The following SGMS2 variants were observed in gnomAD, a reference collection of about 807,000 sequenced individuals.
The protein encoded by SGMS2 is phosphatidylcholine:ceramide cholinephosphotransferase 2.
SGMS2 carries 21 observed loss-of-function variants against 43.8 expected under a neutral mutation model. The ratio of observed to expected loss-of-function variants is 0.48; its 90% CI spans 0.34 to 0.69. SGMS2 has a LOEUF of 0.69. Ranked by LOEUF, SGMS2 falls within the 30% of genes least tolerant of loss-of-function variation. SGMS2 has a pLI of 0.01. For synonymous variants in SGMS2, 167 were observed against 160.6 expected (o/e 1.04, Z -0.30); for missense variants, 384 against 443.2 (o/e 0.87, Z 1.20).
At chr4:107,826,772 G>T (rs1268390837) in intron 1 of SGMS2, among the ~76,000 whole-genome samples, 1 of 152,138 alleles carries the variant, frequency 6.6e-6, no homozygotes, top group Non-Finnish European at 1.5e-5. Flanking sequence ...GCTGCACCTT[G>T]TTCTGAGTTT....
intron 2 of SGMS2, among the ~76,000 whole-genome samples, chr4:107,872,053 C>T (rs1298269645): frequency 1.3e-5 from 2 of 151,940 alleles, no homozygotes; most frequent in Admixed American, 1.3e-4. Context: ...AACTCAAAGG[C>T]AAAAATCCAT....
At chr4:107,887,147 C>G (rs2126098716) in intron 2 of SGMS2, among the ~76,000 whole-genome samples, 1 of 152,278 alleles carries the variant, frequency 6.6e-6, no homozygotes, top group Non-Finnish European at 1.5e-5. Flanking sequence ...ATGAACATTT[C>G]AGCTCTCCAT....
At chr4:107,867,238 G>C (rs1341771016) in intron 2 of SGMS2, 2 of 152,160 alleles carry the variant, frequency 1.3e-5, no homozygotes, top group African/African-American at 4.8e-5. Flanking sequence ...ATATGGTCTA[G>C]TTCTTTTCTG....
chr4:107,840,484 C>A (rs1726437783), intron 1 of SGMS2, among the ~76,000 whole-genome samples: 1 of 152,164 alleles, frequency 6.6e-6, no homozygotes, highest in Non-Finnish European at 1.5e-5. Flanking sequence ...ATAGCCTCAT[C>A]TCTCTATTAG....
At chr4:107,858,967 G>A (rs1727577445) in intron 2 of SGMS2, among the ~76,000 whole-genome samples, 1 of 152,172 alleles carries the variant, frequency 6.6e-6, no homozygotes, top group Non-Finnish European at 1.5e-5. Context: ...TTCAGCAACA[G>A]TACGGAAATT....
In SGMS2 at chr4:107,903,285, G is replaced by T. The variant is rs369557577; in HGVS notation, c.626G>T (p.Gly209Val). Reference protein sequence around the residue: ...KVQRILRLISGGGLSITGSHI... With the variant: ...KVQRILRLISVGGLSITGSHI... The stretch of plus-strand genomic sequence containing the variant: ...CAACGGATTCTACGATTGATTTCTG[G>T]TGGTGGATTGTCCATAACTGGATCA... The change falls in exon 5 of 7, where the codon GGT (glycine) becomes GTT (valine). Residue 209 changes from glycine (G) to valine (V), a missense_variant. Physicochemically the swap from Gly to Val is moderately radical, Grantham distance 109. Transcript: ENST00000690982. 6.2e-7 allele frequency: 1 copy of T among 1,614,036 alleles called. No individual in the cohort carries two copies. Among genetic ancestry groups the T allele is most frequent in the Non-Finnish European group, 8.5e-7 (1 of 1,179,956 alleles).
At chr4:107,842,390 C>T (rs1238795327) in intron 1 of SGMS2, among the ~76,000 whole-genome samples, 2 of 152,108 alleles carry the variant, frequency 1.3e-5, no homozygotes, top group Non-Finnish European at 2.9e-5. Flanking sequence ...AGCGAGGTGC[C>T]ACACACTTTT....
At chr4:107,838,435 CTT>C (rs1726317923) in intron 1 of SGMS2, among the ~76,000 whole-genome samples, 1 of 152,056 alleles carries the variant, frequency 6.6e-6, no homozygotes, top group African/African-American at 2.4e-5. Context: ...TCTTCTTCTT[CTT>C]CTTCTTCTTT....
chr4:107,895,561 T>C lies in SGMS2; in HGVS notation c.8T>C (p.Ile3Thr). Residue 3 changes from isoleucine to threonine, a missense_variant, in exon 3 of 7, where the codon ATC becomes ACC. Coordinates refer to ENST00000690982, the MANE Select transcript of SGMS2 (RefSeq NM_001375905.1). MD[I>T]IETAKLEEHL... is the part of the protein sequence containing the mutation. Reference sequence around the variant, plus strand: ...TCTGAAGACTAGGGGACAATGGATATCATAGAGACAGCAAAACTTGAAGAA... The same window carrying C: ...TCTGAAGACTAGGGGACAATGGATACCATAGAGACAGCAAAACTTGAAGAA... The C allele has an allele frequency of 6.2e-7, 1 of 1,613,096 alleles. No homozygotes were observed. The highest frequency in any genetic ancestry group is 8.5e-7 in the Non-Finnish European group (1 of 1,179,482).
rs749227710 is a variant in SGMS2 at position 107,903,334 on chromosome 4, C to T, written c.675C>T (p.Leu225=). The T allele has an allele frequency of 6.2e-7, 1 of 1,614,022 alleles. No individual in the cohort carries two copies. Among genetic ancestry groups the T allele is most frequent in the South Asian group, 1.1e-5 (1 of 91,084 alleles). Residue 225 remains leucine, a synonymous_variant, in exon 5 of 7, where the codon CTC becomes CTT. Coordinates refer to ENST00000690982, the MANE Select transcript of SGMS2 (RefSeq NM_001375905.1). ...TGSHILCGDF[L]FSGHTVTLTL... ...CACATATCTTATGTGGAGACTTCCT[C>T]TTCAGCGGTCACACGGTTACGCTGA...
At chr4:107,902,565 GC>G (rs1400526097) in intron 4 of SGMS2, among the ~76,000 whole-genome samples, 1 of 152,110 alleles carries the variant, frequency 6.6e-6, no homozygotes, top group African/African-American at 2.4e-5. Context: ...CAGTGGCTTT[GC>G]AGGGCTGCTG....
chr4:107,895,485 A>G lies in SGMS2; in HGVS notation c.-69A>G. ...GTTGATCTTGGAAATAGAAGGATTG[A>G]AAAAAGCTAAATTTCCACAAAGAAC... On this transcript the variant is annotated 5_prime_UTR_variant, in exon 3 of 7. Coordinates refer to ENST00000690982, the MANE Select transcript of SGMS2 (RefSeq NM_001375905.1). 2 of 1,488,910 alleles carry G rather than the reference A, an allele frequency of 1.3e-6. No homozygotes were observed. Among genetic ancestry groups the G allele is most frequent in the Non-Finnish European group, 1.8e-6 (2 of 1,105,120 alleles). 92.2% of individuals were successfully genotyped at this position (1,488,910 alleles called of 1,614,324 possible).
rs781078715 is a variant in SGMS2 at position 107,903,235 on chromosome 4, C to A, written c.576C>A (p.Leu192=). Residue 192 remains leucine (L), a splice_region_variant and synonymous_variant, in exon 5 of 7, where the codon CTC becomes CTA. Coordinates refer to ENST00000690982, the MANE Select transcript of SGMS2 (RefSeq NM_001375905.1). The part of the protein sequence containing the change: ...PGMHFQCAPK[L]NGDSQAKVQR... ...CTTAATCTTCTTGTGTCATTCAGCT[C>A]AATGGAGACTCTCAGGCAAAAGTTC... 2 of 1,613,860 alleles carry A rather than the reference C, an allele frequency of 1.2e-6. No homozygotes were observed. Among genetic ancestry groups the A allele is most frequent in the Admixed American group, 3.3e-5 (2 of 60,010 alleles).
intron 2 of SGMS2, chr4:107,893,731 G>A (rs1730435302): frequency 1.3e-5 from 2 of 152,228 alleles, no homozygotes; most frequent in Non-Finnish European, 2.9e-5. Context: ...TTCTCTACCA[G>A]GCCAGCTTTC....
chr4:107,886,061 T>A (rs1729725871), intron 2 of SGMS2, among the ~76,000 whole-genome samples: 1 of 152,182 alleles, frequency 6.6e-6, no homozygotes, highest in African/African-American at 2.4e-5. Flanking sequence ...TGTGAGTCAT[T>A]TCCTTTTAAT....
intron 1 of SGMS2, among the ~76,000 whole-genome samples, chr4:107,828,419 TTATCTC>T (rs1218982362): frequency 1.3e-5 from 2 of 152,186 alleles, no homozygotes; most frequent in Non-Finnish European, 2.9e-5. Flanking sequence ...CAGCTGAAAT[TTATCTC>T]TACAAAAATG....
intron 1 of SGMS2, among the ~76,000 whole-genome samples, chr4:107,834,857 C>T (rs1352779909): frequency 6.6e-6 from 1 of 152,068 alleles, no homozygotes; most frequent in Non-Finnish European, 1.5e-5. Flanking sequence ...GGCAACATAG[C>T]CAGGCCTCCA....
chr4:107,897,455 G>A (rs571448641), intron 3 of SGMS2, among the ~76,000 whole-genome samples: 2 of 152,136 alleles, frequency 1.3e-5, no homozygotes, highest in African/African-American at 4.8e-5. Context: ...CTGCTAAGGC[G>A]GCAGATAATT....
chr4:107,826,116 G>GATAATATAC (rs1725576507), intron 1 of SGMS2, among the ~76,000 whole-genome samples: 1 of 152,132 alleles, frequency 6.6e-6, no homozygotes, highest in Admixed American at 6.5e-5. Context: ...TGGGATTATA[G>GATAATATAC]CTACTTCAGA....
Sources: gnomAD v4.1 joint callset for allele counts (sites outside exome capture counted in the v4.1 genomes callset) on GRCh38, gnomAD v4.1.1 for gene constraint, MANE v1.5 for transcripts, NCBI Gene and HGNC (gene_info 2026-07-23, HGNC 2026-07-21) for gene names.